GRM7: variants seen among roughly 807,000 people sequenced by gnomAD.
GRM7 encodes the protein metabotropic glutamate receptor 7.
GRM7 carries 35 observed loss-of-function variants against 84.5 expected under a neutral mutation model. That is an observed-to-expected ratio of 0.41 (90% confidence interval 0.32 to 0.55). GRM7 has a LOEUF of 0.55. GRM7 is among the 20% of genes least tolerant of loss of function. The pLI is 0.19. For missense variants in GRM7, 1,003 were observed against 1,194.6 expected (o/e 0.84, Z 2.36); for synonymous variants, 487 against 455.1 (o/e 1.07, Z -0.89).
intron 2 of GRM7, among the ~76,000 whole-genome samples, chr3:7,150,107 AAG>A (rs933730410): frequency 7.3e-5 from 11 of 151,700 alleles, no homozygotes; most frequent in East Asian, 5.8e-4. Flanking sequence ...GAGAGCAAGA[AAG>A]AGAGAGGGGG....
At chr3:7,602,470 C>G (rs1696360900) in intron 8 of GRM7, among the ~76,000 whole-genome samples, 1 of 152,174 alleles carries the variant, frequency 6.6e-6, no homozygotes, top group South Asian at 2.1e-4. Context: ...ATGCTTCTCT[C>G]TGTAATTACT....
At chr3:7,238,997 C>CTTTTTT (rs1559520012) in intron 2 of GRM7, among the ~76,000 whole-genome samples, 2 of 137,614 alleles carry the variant, frequency 1.5e-5, no homozygotes, top group African/African-American at 2.7e-5. Flanking sequence ...TTCTTTTTTC[C>CTTTTTT]TTTTTCTTTT....
At chr3:7,422,616 C>T (rs527955109) in intron 5 of GRM7, among the ~76,000 whole-genome samples, 1 of 152,240 alleles carries the variant, frequency 6.6e-6, no homozygotes, top group South Asian at 2.1e-4. Context: ...TCATATCCTT[C>T]CATTATTTTT....
At chr3:6,960,597 T>C (rs1309421191) in intron 1 of GRM7, among the ~76,000 whole-genome samples, 1 of 152,164 alleles carries the variant, frequency 6.6e-6, no homozygotes. Flanking sequence ...AACATAATCT[T>C]CCATTTCTTT....
Position 7,578,115 on chromosome 3 carries a change from C to T in GRM7, c.1516-307C>T, listed in dbSNP as rs74576149. ...ATCCTTTGGGCACTTGTTATAAATA[C>T]AGCCCCTAAGGTTCTTTTTCAGGAT... On this transcript the variant is annotated intron_variant, in intron 7 of 9. Coordinates refer to ENST00000357716, the MANE Select transcript of GRM7 (RefSeq NM_000844.4). Among the ~76,000 whole-genome samples, 287 of 152,228 alleles carry T rather than the reference C, an allele frequency of 1.9e-3. 3 individuals carry two copies. The highest frequency in any genetic ancestry group is 6.8e-3 in the African/African-American group (281 of 41,538).
intron 1 of GRM7, among the ~76,000 whole-genome samples, chr3:7,138,262 T>A (rs929821736): frequency 2.0e-5 from 3 of 152,020 alleles, no homozygotes; most frequent in African/African-American, 7.2e-5. Flanking sequence ...TATGCAAATA[T>A]ATAATCATAA....
chr3:7,515,902 G>A (rs574296125), intron 7 of GRM7, among the ~76,000 whole-genome samples: 1 of 152,056 alleles, frequency 6.6e-6, no homozygotes, highest in Non-Finnish European at 1.5e-5. Context: ...CAGCACTTTG[G>A]GAGACAGAGA....
At chr3:7,374,044 A>C (rs1407432563) in intron 4 of GRM7, among the ~76,000 whole-genome samples, 1 of 151,966 alleles carries the variant, frequency 6.6e-6, no homozygotes, top group South Asian at 2.1e-4. Context: ...TGGAAATCCA[A>C]CCTCTCCCAT....
intron 2 of GRM7, among the ~76,000 whole-genome samples, chr3:7,172,006 A>G (rs1164146275): frequency 6.6e-6 from 1 of 152,210 alleles, no homozygotes; most frequent in Admixed American, 6.5e-5. Flanking sequence ...CTCGCTAGAA[A>G]TATGTGTGTC....
chr3:7,396,819 A>T (rs367982663), intron 4 of GRM7, among the ~76,000 whole-genome samples: 60 of 152,264 alleles, frequency 3.9e-4, no homozygotes, highest in African/African-American at 1.4e-3. Context: ...ACTTCATTTT[A>T]AAGTGCTACC....
chr3:7,336,905 CAAATG>C (rs1407462931), intron 4 of GRM7, among the ~76,000 whole-genome samples: 1 of 151,766 alleles, frequency 6.6e-6, no homozygotes, highest in African/African-American at 2.4e-5. Context: ...ACAACACAAA[CAAATG>C]AAAACACATT....
At chr3:7,739,198 T>C (rs1357114359) in intron 9 of GRM7, among the ~76,000 whole-genome samples, 1 of 152,230 alleles carries the variant, frequency 6.6e-6, no homozygotes, top group African/African-American at 2.4e-5. Context: ...GCTTGTTGTA[T>C]AGTGTACAGT....
chr3:7,298,529 C>T, intron 2 of GRM7, 155 bp from the exon 3 acceptor site: 1 of 615,748 alleles, frequency 1.6e-6, no homozygotes, highest in Non-Finnish European at 2.9e-6. Flanking sequence ...CATCTCAGGA[C>T]TCAGCATGGT....
intron 1 of GRM7, among the ~76,000 whole-genome samples, chr3:6,878,309 T>C (rs918154948): frequency 2.6e-5 from 4 of 151,832 alleles, no homozygotes; most frequent in African/African-American, 9.7e-5. Flanking sequence ...TTCAAAATTA[T>C]CAAAACTAAA....
intron 1 of GRM7, among the ~76,000 whole-genome samples, chr3:7,008,929 G>C (rs1045612616): frequency 6.6e-6 from 1 of 152,092 alleles, no homozygotes; most frequent in African/African-American, 2.4e-5. Context: ...CTGGAAAATG[G>C]CAGGTGATAA....
chr3:7,251,843 A>G (rs1697998498), intron 2 of GRM7, among the ~76,000 whole-genome samples: 1 of 152,244 alleles, frequency 6.6e-6, no homozygotes, highest in African/African-American at 2.4e-5. Flanking sequence ...ATTAAAAATC[A>G]TAAGTATAAC....
chr3:7,329,312 C>T (rs979072091), intron 4 of GRM7, among the ~76,000 whole-genome samples: 20 of 152,296 alleles, frequency 1.3e-4, no homozygotes, highest in African/African-American at 4.3e-4. Context: ...ATTTAACAAG[C>T]AGGGTCCTTT....
At chr3:7,431,034 C>T (rs946321188) in intron 5 of GRM7, among the ~76,000 whole-genome samples, 9 of 152,018 alleles carry the variant, frequency 5.9e-5, no homozygotes, top group East Asian at 3.9e-4. Context: ...GGGCCCAGTG[C>T]GAACATAATG....
intron 4 of GRM7, among the ~76,000 whole-genome samples, chr3:7,333,981 C>T (rs960225753): frequency 6.6e-6 from 1 of 151,736 alleles, no homozygotes; most frequent in Non-Finnish European, 1.5e-5. Flanking sequence ...AATGACCAAA[C>T]ATAAGAATAA....
Sources: allele counts gnomAD v4.1 joint callset (sites outside exome capture counted in the v4.1 genomes callset), GRCh38; gene constraint gnomAD v4.1.1; transcripts MANE v1.5; gene names NCBI Gene and HGNC (gene_info 2026-07-23, HGNC 2026-07-21).